The following GSTCD variants were observed in gnomAD, a reference collection of about 807,000 sequenced individuals.
GSTCD encodes the protein glutathione S-transferase C-terminal domain containing.
In GSTCD, 44 loss-of-function variants were observed where a neutral mutation model predicts 68.3. That is an observed-to-expected ratio of 0.64 (90% CI 0.51 to 0.83). The LOEUF (loss-of-function observed/expected upper bound fraction) is 0.83, where lower values mean the gene tolerates loss of function less well. Ranked by LOEUF, GSTCD falls within the 40% of genes least tolerant of loss-of-function variation. The pLI, the probability that GSTCD is intolerant of heterozygous loss-of-function variation, is 0.00. For missense variants in GSTCD, 739 were observed against 735.9 expected, an observed-to-expected ratio of 1.00 and a Z score of -0.05; for synonymous variants, 273 against 255.2, an observed-to-expected ratio of 1.07 and a Z score of -0.67.
chr4:105,845,269 A>G (rs538967083), intron 11 of GSTCD, among the ~76,000 whole-genome samples, 172 bp from the exon 12 acceptor site: 1 of 152,324 alleles, frequency 6.6e-6, no homozygotes, highest in South Asian at 2.1e-4. Context: ...TGTCACCATC[A>G]TCTTTCCACA....
intron 5 of GSTCD, among the ~76,000 whole-genome samples, chr4:105,819,860 T>C (rs753564441): frequency 2.6e-5 from 4 of 151,752 alleles, no homozygotes; most frequent in East Asian, 1.9e-4. Flanking sequence ...AACATAGTTT[T>C]AGCCTTCTTT....
intron 5 of GSTCD, among the ~76,000 whole-genome samples, chr4:105,812,656 T>C (rs1386382149): frequency 6.6e-6 from 1 of 152,186 alleles, no homozygotes; most frequent in African/African-American, 2.4e-5. Flanking sequence ...GTCTTGAATA[T>C]ATATATTTTT....
chr4:105,811,949 AAG>A (rs1018414856), intron 5 of GSTCD, among the ~76,000 whole-genome samples: 17 of 152,310 alleles, frequency 1.1e-4, no homozygotes, highest in African/African-American at 3.6e-4. Context: ...TTCATGGTAA[AAG>A]AGTTCAGTTT....
At chr4:105,825,565 A>G (rs2149277520) in intron 7 of GSTCD, 107 bp from the exon 8 acceptor site, 4 of 654,106 alleles carry the variant, frequency 6.1e-6, no homozygotes, top group South Asian at 2.2e-5. Flanking sequence ...TAGAGGCTCA[A>G]TATAATACGT....
intron 5 of GSTCD, among the ~76,000 whole-genome samples, chr4:105,787,608 C>T (rs1735513151): frequency 6.6e-6 from 1 of 151,734 alleles, no homozygotes; most frequent in Non-Finnish European, 1.5e-5. Flanking sequence ...CAGCATTGTC[C>T]CTTTTGAAAA....
chr4:105,793,396 TATC>T (rs1333050345), intron 5 of GSTCD, among the ~76,000 whole-genome samples: 2 of 150,626 alleles, frequency 1.3e-5, no homozygotes, highest in African/African-American at 2.5e-5. Context: ...TGGGGTGTGA[TATC>T]ATGATTATGT....
At chr4:105,767,140 A>C (rs556314072) in intron 5 of GSTCD, among the ~76,000 whole-genome samples, 3 of 152,088 alleles carry the variant, frequency 2.0e-5, no homozygotes, top group African/African-American at 4.8e-5. Flanking sequence ...AGAAAATGGA[A>C]GTGAGGAACA....
chr4:105,754,067 C>A (rs991650705), intron 5 of GSTCD, among the ~76,000 whole-genome samples: 1 of 151,844 alleles, frequency 6.6e-6, no homozygotes, highest in East Asian at 1.9e-4. Context: ...CTATTCATTA[C>A]GATTGAAATT....
intron 7 of GSTCD, among the ~76,000 whole-genome samples, chr4:105,824,585 T>C (rs1050982648): frequency 1.3e-5 from 2 of 152,148 alleles, no homozygotes; most frequent in East Asian, 1.9e-4. Context: ...CTTAATTCTT[T>C]TCATTTTTTT....
intron 5 of GSTCD, among the ~76,000 whole-genome samples, chr4:105,731,493 A>G (rs1198886358): frequency 6.6e-6 from 1 of 152,166 alleles, no homozygotes; most frequent in Non-Finnish European, 1.5e-5. Context: ...CTTTGAAACA[A>G]TTGTGAATGG....
chr4:105,751,354 T>G (rs17036177), intron 5 of GSTCD, among the ~76,000 whole-genome samples: 6,758 of 152,268 alleles, frequency 0.044, 206 homozygotes, highest in Middle Eastern at 0.13. Context: ...TCACCTTTTT[T>G]CAAACAGAAG....
chr4:105,797,760 CTTTTTTTTTTTTTTTTTTT>C (rs70941218), intron 5 of GSTCD, among the ~76,000 whole-genome samples: 4 of 84,952 alleles, frequency 4.7e-5, no homozygotes, highest in African/African-American at 1.9e-4. Flanking sequence ...CACAATAGAA[CTTTTTTTTTTTTTTTTTTT>C]TTTTTTTTTT....
intron 5 of GSTCD, among the ~76,000 whole-genome samples, chr4:105,814,615 AT>A (rs1319378715): frequency 3.9e-5 from 6 of 152,108 alleles, no homozygotes; most frequent in Admixed American, 1.3e-4. Context: ...CTCAAAAAAA[AT>A]AAATAAATAA....
chr4:105,756,874 C>T (rs898094600), intron 5 of GSTCD, among the ~76,000 whole-genome samples: 32 of 152,038 alleles, frequency 2.1e-4, no homozygotes, highest in African/African-American at 1.2e-4. Context: ...ACACACTGTC[C>T]GTCAATCAGC....
At chr4:105,809,850 G>A (rs1301852401) in intron 5 of GSTCD, among the ~76,000 whole-genome samples, 1 of 151,692 alleles carries the variant, frequency 6.6e-6, no homozygotes, top group African/African-American at 2.4e-5. Context: ...GTATACTGCA[G>A]TGAGAAATTG....
chr4:105,842,674 C>T (rs1724402867), intron 11 of GSTCD, among the ~76,000 whole-genome samples: 1 of 152,140 alleles, frequency 6.6e-6, no homozygotes, highest in Admixed American at 6.5e-5. Context: ...AAAAAACAAT[C>T]ACATTTAAAA....
chr4:105,767,945 A>G (rs903220883), intron 5 of GSTCD, among the ~76,000 whole-genome samples: 14 of 151,990 alleles, frequency 9.2e-5, no homozygotes, highest in African/African-American at 2.9e-4. Flanking sequence ...TTTTTTCATG[A>G]AAGAATTCTA....
At chr4:105,782,197 A>G (rs776194192) in intron 5 of GSTCD, among the ~76,000 whole-genome samples, 3 of 152,276 alleles carry the variant, frequency 2.0e-5, no homozygotes, top group Non-Finnish European at 4.4e-5. Flanking sequence ...AGAGAAAGAA[A>G]AGGAAAAAGG....
chr4:105,798,135 C>T (rs1735974663), intron 5 of GSTCD, among the ~76,000 whole-genome samples: 1 of 152,020 alleles, frequency 6.6e-6, no homozygotes, highest in African/African-American at 2.4e-5. Context: ...TCTCAAGAAA[C>T]CACTTTTTTT....
Sources: allele counts gnomAD v4.1 joint callset (sites outside exome capture counted in the v4.1 genomes callset), GRCh38; gene constraint gnomAD v4.1.1; transcripts MANE v1.5; gene names NCBI Gene and HGNC (gene_info 2026-07-23, HGNC 2026-07-21).